PTPRT: variants seen among roughly 807,000 people sequenced by gnomAD.
The protein encoded by PTPRT is protein tyrosine phosphatase receptor type T.
A neutral mutation model predicts 176.8 loss-of-function variants in PTPRT; 56 were observed. That is an observed-to-expected ratio of 0.32 (90% CI 0.26 to 0.40). PTPRT has a LOEUF of 0.40. Ranked by LOEUF, PTPRT falls within the 10% of genes least tolerant of loss-of-function variation. The probability of loss-of-function intolerance (pLI) is 1.00; values close to 1 mark genes in which losing one functional copy is unlikely to be tolerated. For missense variants in PTPRT, 1,540 were observed against 1,908.2 expected, an observed-to-expected ratio of 0.81 and a Z score of 3.60; for synonymous variants, 783 against 739.0, an observed-to-expected ratio of 1.06 and a Z score of -0.96.
chr20:42,635,699 G>A (rs1341554964), intron 7 of PTPRT, among the ~76,000 whole-genome samples: 4 of 152,002 alleles, frequency 2.6e-5, no homozygotes, highest in African/African-American at 9.7e-5. Flanking sequence ...TACAGTTTGT[G>A]GCATCTCTTT....
intron 2 of PTPRT, among the ~76,000 whole-genome samples, chr20:42,878,751 G>A (rs762355864): frequency 1.4e-4 from 21 of 152,190 alleles, no homozygotes; most frequent in African/African-American, 2.2e-4. Flanking sequence ...AACGCTGGCC[G>A]GGCGTGGTGG....
At chr20:43,087,616 G>A (rs552153519) in intron 1 of PTPRT, among the ~76,000 whole-genome samples, 20 of 152,062 alleles carry the variant, frequency 1.3e-4, no homozygotes, top group East Asian at 7.7e-4. Context: ...TGCCTGCCTC[G>A]GCCTCCCAAA....
chr20:43,139,650 T>A (rs2013941130), intron 1 of PTPRT, among the ~76,000 whole-genome samples: 1 of 152,166 alleles, frequency 6.6e-6, no homozygotes, highest in African/African-American at 2.4e-5. Context: ...GGCTATTGAT[T>A]TACCTATGAG....
At chr20:42,759,614 T>C (rs894722341) in intron 5 of PTPRT, among the ~76,000 whole-genome samples, 1 of 152,204 alleles carries the variant, frequency 6.6e-6, no homozygotes, top group Non-Finnish European at 1.5e-5. Flanking sequence ...AGCAAGGATG[T>C]GTGCACACAG....
At chr20:42,817,214 C>T (rs1005985335) in intron 2 of PTPRT, among the ~76,000 whole-genome samples, 2 of 152,174 alleles carry the variant, frequency 1.3e-5, no homozygotes, top group African/African-American at 4.8e-5. Context: ...AAGTAAACTA[C>T]TTACACATGT....
chr20:42,646,933 C>T (rs903411517), intron 7 of PTPRT, among the ~76,000 whole-genome samples: 8 of 109,914 alleles, frequency 7.3e-5, no homozygotes, highest in East Asian at 6.1e-4. Flanking sequence ...TTTGCTCTGT[C>T]GCTCAGGCTG....
chr20:42,155,441 C>A (rs975688551), intron 17 of PTPRT, among the ~76,000 whole-genome samples: 1 of 152,058 alleles, frequency 6.6e-6, no homozygotes, highest in Non-Finnish European at 1.5e-5. Flanking sequence ...CCAGCTGGCT[C>A]GGCCAATTGG....
intron 8 of PTPRT, among the ~76,000 whole-genome samples, chr20:42,463,178 GTCTCTC>G (rs148212646): frequency 6.6e-6 from 1 of 150,520 alleles, no homozygotes; most frequent in African/African-American, 2.4e-5. Flanking sequence ...ATTAAACTAG[GTCTCTC>G]TCTCTCTCTC....
At chr20:42,735,015 G>A (rs1345139785) in intron 6 of PTPRT, among the ~76,000 whole-genome samples, 3 of 152,216 alleles carry the variant, frequency 2.0e-5, no homozygotes, top group Non-Finnish European at 2.9e-5. Flanking sequence ...AATCTTTGCA[G>A]AAAAACCACA....
At chr20:42,741,236 T>C (rs541905958) in intron 6 of PTPRT, among the ~76,000 whole-genome samples, 1 of 152,334 alleles carries the variant, frequency 6.6e-6, no homozygotes, top group East Asian at 1.9e-4. Context: ...GGCATCATGG[T>C]TGATAAATTT....
At chr20:42,691,696 C>A (rs2075796518) in intron 6 of PTPRT, among the ~76,000 whole-genome samples, 1 of 152,142 alleles carries the variant, frequency 6.6e-6, no homozygotes. Context: ...CTTAGCACAG[C>A]CTAACTCACT....
chr20:42,902,159 G>A (rs549666848), intron 1 of PTPRT, among the ~76,000 whole-genome samples: 1 of 152,160 alleles, frequency 6.6e-6, no homozygotes, highest in Non-Finnish European at 1.5e-5. Context: ...GGAACATCTG[G>A]CTTTCTAAAA....
At chr20:42,976,681 ACAGGCGTGAGCCACCACACT>A (rs1480641617) in intron 1 of PTPRT, among the ~76,000 whole-genome samples, 3 of 152,194 alleles carry the variant, frequency 2.0e-5, no homozygotes, top group Admixed American at 1.3e-4. Context: ...TGCTGGGATT[ACAGGCGTGAGCCACCACACT>A]CAGGCTGTTT....
At chr20:42,060,744 C>T in the PTPRT span, among the ~76,000 whole-genome samples, 1 of 152,192 alleles carries the variant, frequency 6.6e-6, no homozygotes, top group Non-Finnish European at 1.5e-5. Context: ...TGCCCAGTCT[C>T]AGGTATGTCT....
intron 1 of PTPRT, among the ~76,000 whole-genome samples, chr20:42,995,011 C>T (rs1420122779): frequency 6.6e-6 from 1 of 152,180 alleles, no homozygotes; most frequent in Non-Finnish European, 1.5e-5. Flanking sequence ...CAGAATTTGT[C>T]ATAGAAAAGC....
intron 1 of PTPRT, among the ~76,000 whole-genome samples, chr20:43,041,617 T>C (rs919885193): frequency 1.1e-4 from 16 of 152,172 alleles, no homozygotes; most frequent in Non-Finnish European, 2.4e-4. Flanking sequence ...GGGCTACCTC[T>C]TCCAAGAATC....
chr20:42,121,750 G>GATAT (rs370476490), intron 19 of PTPRT, among the ~76,000 whole-genome samples: 4 of 145,668 alleles, frequency 2.7e-5, no homozygotes, highest in Non-Finnish European at 6.0e-5. Context: ...TATATGAAGA[G>GATAT]ATATATATAT....
intron 15 of PTPRT, among the ~76,000 whole-genome samples, chr20:42,206,970 G>A (rs964480597): frequency 3.9e-5 from 6 of 152,184 alleles, no homozygotes; most frequent in Admixed American, 1.3e-4. Context: ...GCCTCCTCAA[G>A]TGGGTCCCTG....
At chr20:42,979,926 AG>A (rs11476223) in intron 1 of PTPRT, among the ~76,000 whole-genome samples, 139,327 of 144,776 alleles carry the variant, frequency 0.96, 67,065 homozygotes, top group East Asian at 1. Flanking sequence ...GCATGCCTGG[AG>A]GGGGTCTTTT....
Sources: gnomAD v4.1 joint callset for allele counts (sites outside exome capture counted in the v4.1 genomes callset) on GRCh38, gnomAD v4.1.1 for gene constraint, MANE v1.5 for transcripts, NCBI Gene and HGNC (gene_info 2026-07-23, HGNC 2026-07-21) for gene names.